The following MERTK variants were observed in gnomAD, a reference collection of about 807,000 sequenced individuals.
The protein encoded by MERTK is tyrosine-protein kinase Mer.
Under a neutral mutation model 99.3 loss-of-function variants are expected in MERTK, and 69 were observed. That is an observed-to-expected ratio of 0.70 (90% CI 0.57 to 0.85). The LOEUF is 0.85. Among genes scored for constraint, MERTK ranks in the 40% least tolerant of loss-of-function variants. MERTK has a pLI of 0.00. For missense variants in MERTK, 1,125 were observed against 1,249.4 expected (o/e 0.90, Z 1.50); for synonymous variants, 426 against 467.6 (o/e 0.91, Z 1.15).
intron 1 of MERTK, among the ~76,000 whole-genome samples, chr2:111,921,031 G>A (rs1470283635): frequency 6.6e-6 from 1 of 152,180 alleles, no homozygotes; most frequent in African/African-American, 2.4e-5. Context: ...TTTGTGCTAT[G>A]TTTGGCCTCA....
chr2:111,989,781 A>G (rs976104282), intron 8 of MERTK, among the ~76,000 whole-genome samples: 1 of 152,232 alleles, frequency 6.6e-6, no homozygotes, highest in Non-Finnish European at 1.5e-5. Context: ...TTGACTTTCC[A>G]AAGATGTGTT....
At chr2:111,913,043 G>A (rs1684282017) in intron 1 of MERTK, 9 of 985,254 alleles carry the variant, frequency 9.1e-6, no homozygotes, top group African/African-American at 1.7e-5. Context: ...TAAAAGGCCT[G>A]GCGAAAGGTG....
chr2:112,015,205 A>C (rs553683135), intron 15 of MERTK, among the ~76,000 whole-genome samples: 1 of 152,298 alleles, frequency 6.6e-6, no homozygotes, highest in Admixed American at 6.5e-5. Flanking sequence ...CAAGAGTAGG[A>C]TGCTGGGTCA....
At chr2:111,964,400 CGCGCGCGCACGCGCATGTGTGTGTGTGT>C (rs1685320860) in intron 4 of MERTK, among the ~76,000 whole-genome samples, 1 of 88,810 alleles carries the variant, frequency 1.1e-5, no homozygotes, top group African/African-American at 4.0e-5. Context: ...TGTGTGTGTG[CGCGCGCGCACGCGCATGTGTGTGTGTGT>C]ACGTTGTGTG....
In MERTK at chr2:111,898,639, G is replaced by C. The variant is rs1208469459; in HGVS notation, c.-97G>C. 10 of 1,449,648 alleles carry C rather than the reference G, an allele frequency of 6.9e-6. No individual in the cohort carries two copies. The highest frequency in any genetic ancestry group is 7.6e-6 in the Non-Finnish European group (8 of 1,056,772). 89.8% of individuals were successfully genotyped at this position (1,449,648 alleles called of 1,614,324 possible). Reference sequence around the variant, plus strand: ...ACTCACTGCCCGGGCCGCCCGGACAGGGAGCTTCGCTGGCGCGCTTGGCCG... The same window carrying C: ...ACTCACTGCCCGGGCCGCCCGGACACGGAGCTTCGCTGGCGCGCTTGGCCG... On this transcript the variant is annotated 5_prime_UTR_variant, in exon 1 of 19. Coordinates refer to ENST00000295408, the MANE Select transcript of MERTK (RefSeq NM_006343.3).
intron 4 of MERTK, among the ~76,000 whole-genome samples, chr2:111,951,976 C>T (rs1399813397): frequency 1.3e-5 from 2 of 152,050 alleles, no homozygotes; most frequent in Non-Finnish European, 2.9e-5. Context: ...TATGTTTTCT[C>T]AAAATTAGAA....
intron 4 of MERTK, among the ~76,000 whole-genome samples, chr2:111,960,855 A>G (rs374444358): frequency 2.0e-5 from 3 of 151,852 alleles, no homozygotes; most frequent in East Asian, 1.9e-4. Flanking sequence ...TTAAATTACG[A>G]AAAATTTAAG....
At chr2:112,023,863 G>A (rs1677409856) in intron 18 of MERTK, among the ~76,000 whole-genome samples, 1 of 151,110 alleles carries the variant, frequency 6.6e-6, no homozygotes. Flanking sequence ...TGGGACAGGT[G>A]AGTGTGGACA....
chr2:111,993,207 G>T (rs192626300), intron 8 of MERTK, among the ~76,000 whole-genome samples: 78 of 152,216 alleles, frequency 5.1e-4, no homozygotes, highest in African/African-American at 1.8e-3. Flanking sequence ...GATGTCCACT[G>T]CCTGTTTAAA....
chr2:111,925,677 T>C lies in MERTK; in HGVS notation c.62-3443T>C, dbSNP rs565708269. On this transcript the variant is annotated intron_variant, in intron 1 of 18. Coordinates refer to ENST00000295408, the MANE Select transcript of MERTK (RefSeq NM_006343.3). Reference sequence around the variant, plus strand: ...TCGTGGCTCCCGGACTTCAGTGATGTCACTTTAGTGGGTGGCCTTGCCCCT... The same window carrying C: ...TCGTGGCTCCCGGACTTCAGTGATGCCACTTTAGTGGGTGGCCTTGCCCCT... Among the ~76,000 whole-genome samples the C allele has an allele frequency of 2.0e-5, 3 of 151,820 alleles. No homozygotes were observed. In the South Asian group the frequency reaches 6.3e-4, roughly 32 times the overall value.
Position 112,022,268 on chromosome 2 carries a change from G to A in MERTK, c.2360G>A (p.Gly787Asp), listed in dbSNP as rs747894786. ...YTSKSDVWAF[G>D]VTMWEIATRG... is the part of the protein sequence containing the mutation. The stretch of plus-strand genomic sequence containing the variant: ...TTGCTTTGTTCCCAGTGGGCATTTG[G>A]CGTGACCATGTGGGAAATAGCTACG... The change falls in exon 18 of 19, where the codon GGC (glycine) becomes GAC (aspartate). Residue 787 changes from glycine (G) to aspartate (D), a missense_variant. By Grantham distance (94) the Gly-to-Asp change is moderately conservative. Transcript: ENST00000295408. The A allele has an allele frequency of 5.0e-6, 8 of 1,614,076 alleles. No individual in the cohort carries two copies. Among genetic ancestry groups the A allele is most frequent in the Non-Finnish European group, 6.8e-6 (8 of 1,180,044 alleles).
chr2:111,920,515 A>T (rs1684435521), intron 1 of MERTK, among the ~76,000 whole-genome samples: 1 of 151,066 alleles, frequency 6.6e-6, no homozygotes, highest in Admixed American at 6.6e-5. Flanking sequence ...TACCATTTGC[A>T]ATTTAGGACT....
chr2:112,018,136 T>C (rs777381184), intron 15 of MERTK, among the ~76,000 whole-genome samples: 32 of 152,240 alleles, frequency 2.1e-4, no homozygotes, highest in Non-Finnish European at 3.8e-4. Context: ...TCATCACTAG[T>C]ATATAAAAAT....
chr2:111,935,686 T>TGTGTG (rs1684752682), intron 2 of MERTK, among the ~76,000 whole-genome samples: 4 of 140,966 alleles, frequency 2.8e-5, no homozygotes, highest in South Asian at 2.3e-4. Context: ...TGTGTGTGTG[T>TGTGTG]TTAAATTATT....
intron 6 of MERTK, among the ~76,000 whole-genome samples, chr2:111,973,595 C>A (rs1676167999): frequency 6.6e-6 from 1 of 152,140 alleles, no homozygotes; most frequent in African/African-American, 2.4e-5. Context: ...GAACTGCAAG[C>A]CCATTATTAA....
rs372747015 is a variant in MERTK, at chr2:111,925,292, A to ATATATATATTT, written c.62-3827_62-3826insATATATATTTT. Among the ~76,000 whole-genome samples the ATATATATATTT allele has an allele frequency of 6.5e-4, 16 of 24,498 alleles. 1 individual carries two copies. The highest frequency in any genetic ancestry group is 2.3e-3 in the African/African-American group (16 of 7,012). The allele number at this position is 24,498 out of a possible 152,430, so 16.1% of individuals were successfully genotyped here. A position where few individuals can be genotyped will look rare whatever the true frequency, so the allele number is the denominator to read the frequency against. On this transcript the variant is annotated intron_variant, in intron 1 of 18. Transcript: ENST00000295408. ...ACAGATCAGATATATATATATATAT[A>ATATATATATTT]TTTTTTTTTTTTTTTTTTTTTTTTT...
At chr2:111,907,281 G>A (rs1573560700) in intron 1 of MERTK, among the ~76,000 whole-genome samples, 1 of 152,298 alleles carries the variant, frequency 6.6e-6, no homozygotes, top group East Asian at 1.9e-4. Context: ...AGGCGTGGTG[G>A]CGCATGCCTG....
At chr2:112,025,983 C>T (rs551141787) in intron 18 of MERTK, among the ~76,000 whole-genome samples, 1 of 152,296 alleles carries the variant, frequency 6.6e-6, no homozygotes, top group East Asian at 1.9e-4. Context: ...CCATGGCAAC[C>T]TATATGATCA....
intron 8 of MERTK, among the ~76,000 whole-genome samples, chr2:111,987,917 A>T (rs188228847): frequency 1.1e-4 from 16 of 152,114 alleles, no homozygotes; most frequent in Admixed American, 3.3e-4. Flanking sequence ...CTTCGTTTTC[A>T]AAGGTATAGA....
Sources: gnomAD v4.1 joint callset for allele counts (sites outside exome capture counted in the v4.1 genomes callset) on GRCh38, gnomAD v4.1.1 for gene constraint, MANE v1.5 for transcripts, NCBI Gene and HGNC (gene_info 2026-07-23, HGNC 2026-07-21) for gene names.